The following SNX18 variants were observed in gnomAD, a reference collection of about 807,000 sequenced individuals.
The protein encoded by SNX18 is sorting nexin 18.
Under a neutral mutation model 48.7 loss-of-function variants are expected in SNX18, and 35 were observed. The ratio of observed to expected loss-of-function variants is 0.72; its 90% CI spans 0.55 to 0.95. The LOEUF is 0.95. Ranked by LOEUF, SNX18 falls within the 40% of genes least tolerant of loss-of-function variation. SNX18 has a pLI of 0.00. For synonymous variants in SNX18, 492 were observed against 384.7 expected (o/e 1.28, Z -3.26); for missense variants, 824 against 871.0 (o/e 0.95, Z 0.68).
chr5:54,640,864 G>A, the SNX18 span, among the ~76,000 whole-genome samples: 736 of 152,136 alleles, frequency 4.8e-3, no homozygotes, highest in Non-Finnish European at 8.3e-3. Flanking sequence ...GCTCAAGACC[G>A]GCCTGGTCAA....
the SNX18 span, among the ~76,000 whole-genome samples, chr5:54,634,286 G>A: frequency 6.6e-6 from 1 of 152,076 alleles, no homozygotes; most frequent in African/African-American, 2.4e-5. Context: ...GAATTCCAAG[G>A]TGTGGCTTTG....
the SNX18 span, among the ~76,000 whole-genome samples, chr5:54,589,026 G>A: frequency 6.6e-6 from 1 of 152,138 alleles, no homozygotes; most frequent in Non-Finnish European, 1.5e-5. Flanking sequence ...AAACCACTAT[G>A]ATTTCAGAGC....
chr5:54,554,211 C>A, the SNX18 span, among the ~76,000 whole-genome samples: 1 of 152,318 alleles, frequency 6.6e-6, no homozygotes, highest in South Asian at 2.1e-4. Flanking sequence ...TTAAAGAATT[C>A]TTTCCTCCAT....
chr5:54,615,697 T>G, the SNX18 span, among the ~76,000 whole-genome samples: 1 of 152,280 alleles, frequency 6.6e-6, no homozygotes, highest in African/African-American at 2.4e-5. Flanking sequence ...TCTACAAGAG[T>G]GCACAATCCT....
At chr5:54,571,944 A>G in the SNX18 span, among the ~76,000 whole-genome samples, 4 of 152,222 alleles carry the variant, frequency 2.6e-5, no homozygotes, top group Non-Finnish European at 2.9e-5. Flanking sequence ...TATCAGTTCT[A>G]TGATCAACCA....
chr5:54,585,591 G>A, the SNX18 span, among the ~76,000 whole-genome samples: 1 of 152,082 alleles, frequency 6.6e-6, no homozygotes, highest in East Asian at 1.9e-4. Flanking sequence ...CCCAGCTTGT[G>A]TGGATTGGTA....
the SNX18 span, among the ~76,000 whole-genome samples, chr5:54,565,413 A>T: frequency 6.6e-6 from 1 of 151,984 alleles, no homozygotes; most frequent in East Asian, 1.9e-4. Flanking sequence ...GTCTCTACGA[A>T]AGAAAAAAAA....
At chr5:54,530,679 C>T (rs1762237613) in intron 1 of SNX18, among the ~76,000 whole-genome samples, 1 of 149,328 alleles carries the variant, frequency 6.7e-6, no homozygotes, top group Non-Finnish European at 1.5e-5. Context: ...AAGTATTTAC[C>T]TCAAAAAAGC....
intron 1 of SNX18, among the ~76,000 whole-genome samples, chr5:54,539,383 T>C (rs1762420908): frequency 6.6e-6 from 1 of 152,230 alleles, no homozygotes; most frequent in African/African-American, 2.4e-5. Context: ...AAACAGTAGA[T>C]GGAAAGTGCC....
chr5:54,603,372 T>G, the SNX18 span, among the ~76,000 whole-genome samples: 2 of 152,006 alleles, frequency 1.3e-5, no homozygotes, highest in Non-Finnish European at 2.9e-5. Context: ...TCCCAAAGTA[T>G]TGGGACACAG....
chr5:54,556,158 A>C, the SNX18 span, among the ~76,000 whole-genome samples: 3 of 152,218 alleles, frequency 2.0e-5, no homozygotes, highest in Admixed American at 2.0e-4. Flanking sequence ...ATTATGAATG[A>C]TGCTGCAATG....
the SNX18 span, among the ~76,000 whole-genome samples, chr5:54,605,621 A>C: frequency 1.3e-5 from 2 of 152,206 alleles, no homozygotes; most frequent in Non-Finnish European, 2.9e-5. Context: ...AACATAATCA[A>C]CATAAAAATT....
the SNX18 span, among the ~76,000 whole-genome samples, chr5:54,611,116 A>C: frequency 6.6e-6 from 1 of 152,128 alleles, no homozygotes; most frequent in Non-Finnish European, 1.5e-5. Context: ...ATCTTTGCTT[A>C]CTTTCCAGGT....
chr5:54,555,231 G>A, the SNX18 span, among the ~76,000 whole-genome samples: 1 of 152,202 alleles, frequency 6.6e-6, no homozygotes, highest in African/African-American at 2.4e-5. Context: ...GTCCTCTGTT[G>A]TACCCGGGGT....
the SNX18 span, among the ~76,000 whole-genome samples, chr5:54,632,614 GAC>G: frequency 1.3e-5 from 2 of 152,072 alleles, no homozygotes; most frequent in Non-Finnish European, 2.9e-5. Flanking sequence ...AGGGGGCTTA[GAC>G]ACACACCGGG....
the SNX18 span, among the ~76,000 whole-genome samples, chr5:54,567,130 G>A: frequency 6.6e-6 from 1 of 152,086 alleles, no homozygotes; most frequent in Non-Finnish European, 1.5e-5. Flanking sequence ...AATTTTGCTA[G>A]CTTGGGAGCA....
At chr5:54,631,739 G>A in the SNX18 span, among the ~76,000 whole-genome samples, 1 of 152,194 alleles carries the variant, frequency 6.6e-6, no homozygotes, top group Non-Finnish European at 1.5e-5. Context: ...GAACCTTAAA[G>A]GATGGGAATT....
At chr5:54,521,432 G>A (rs1460528176) in intron 1 of SNX18, among the ~76,000 whole-genome samples, 1 of 152,198 alleles carries the variant, frequency 6.6e-6, no homozygotes, top group Non-Finnish European at 1.5e-5. Context: ...TATGGCCAGG[G>A]TCACGCCTGT....
At chr5:54,565,652 A>T in the SNX18 span, among the ~76,000 whole-genome samples, 1 of 152,174 alleles carries the variant, frequency 6.6e-6, no homozygotes, top group Admixed American at 6.5e-5. Context: ...TTTTAAAAAG[A>T]ATATCATTTT....
Sources: gnomAD v4.1 joint callset for allele counts (sites outside exome capture counted in the v4.1 genomes callset) on GRCh38, gnomAD v4.1.1 for gene constraint, MANE v1.5 for transcripts, NCBI Gene and HGNC (gene_info 2026-07-23, HGNC 2026-07-21) for gene names.